Variants in UBAC1 observed in about 807,000 individuals in gnomAD.
The protein encoded by UBAC1 is ubiquitin-associated domain-containing protein 1.
A neutral mutation model predicts 45.9 loss-of-function variants in UBAC1; 27 were observed. The ratio of observed to expected loss-of-function variants is 0.59; its 90% CI spans 0.43 to 0.81. The LOEUF (loss-of-function observed/expected upper bound fraction) is 0.81. Among genes scored for constraint, UBAC1 ranks in the 30% least tolerant of loss-of-function variants. The probability of loss-of-function intolerance (pLI) is 0.00; values close to 1 mark genes in which losing one functional copy is unlikely to be tolerated. For missense variants in UBAC1, 529 were observed against 539.2 expected, an observed-to-expected ratio of 0.98 and a Z score of 0.19; for synonymous variants, 227 against 215.5, an observed-to-expected ratio of 1.05 and a Z score of -0.47.
chr9:135,947,138 C>T (rs1839347259), intron 4 of UBAC1, among the ~76,000 whole-genome samples: 1 of 152,188 alleles, frequency 6.6e-6, no homozygotes, highest in African/African-American at 2.4e-5. Flanking sequence ...CCTCCCACCC[C>T]GGCACAGCAC....
intron 2 of UBAC1, 113 bp downstream of exon 2, chr9:135,955,182 T>G: frequency 2.6e-6 from 3 of 1,138,062 alleles, no homozygotes; most frequent in South Asian, 5.9e-5. Flanking sequence ...GTTTTTGTGC[T>G]CGTGTCCAGC....
chr9:135,937,440 CAAAAA>C (rs57527185), intron 9 of UBAC1, among the ~76,000 whole-genome samples: 1 of 99,876 alleles, frequency 1.0e-5, no homozygotes, highest in Non-Finnish European at 1.9e-5. Context: ...GACTCTGTCT[CAAAAA>C]AAAAAAAAAA....
chr9:135,934,428 A>G (rs769786565), intron 9 of UBAC1, among the ~76,000 whole-genome samples: 1 of 152,228 alleles, frequency 6.6e-6, no homozygotes, highest in Non-Finnish European at 1.5e-5. Context: ...TGGGAGGCCG[A>G]AGCAGGCGGA....
chr9:135,938,472 C>G (rs1839225782), intron 8 of UBAC1, 112 bp from the exon 9 acceptor site: 2 of 1,381,792 alleles, frequency 1.4e-6, no homozygotes, highest in African/African-American at 2.9e-5. Flanking sequence ...CCTGTTGAGC[C>G]CCCAGGGCTG....
intron 9 of UBAC1, among the ~76,000 whole-genome samples, chr9:135,936,041 AAG>A (rs1185179900): frequency 6.6e-6 from 1 of 151,928 alleles, no homozygotes; most frequent in East Asian, 1.9e-4. Flanking sequence ...AAAAAAAAAA[AAG>A]AGGAATACAA....
intron 3 of UBAC1, among the ~76,000 whole-genome samples, chr9:135,949,816 C>T (rs1055372469): frequency 3.9e-5 from 6 of 152,266 alleles, no homozygotes; most frequent in African/African-American, 1.4e-4. Flanking sequence ...CAGGTTACAT[C>T]ACGCGGCACA....
intron 1 of UBAC1, among the ~76,000 whole-genome samples, chr9:135,960,101 C>T (rs564468605): frequency 7.9e-5 from 12 of 152,360 alleles, no homozygotes; most frequent in African/African-American, 2.9e-4. Flanking sequence ...CCTGTCAACA[C>T]AGATACGTCG....
chr9:135,939,449 C>T (rs1247673700), intron 8 of UBAC1, among the ~76,000 whole-genome samples: 2 of 151,828 alleles, frequency 1.3e-5, no homozygotes, highest in Non-Finnish European at 2.9e-5. Context: ...CTGACACACT[C>T]ACTCACCACA....
At chr9:135,954,730 C>G (rs1839445916) in intron 2 of UBAC1, among the ~76,000 whole-genome samples, 1 of 152,246 alleles carries the variant, frequency 6.6e-6, no homozygotes, top group South Asian at 2.1e-4. Context: ...TGAGATGCAG[C>G]TCATCCTCGG....
chr9:135,941,229 AAC>A (rs562916118), intron 7 of UBAC1, among the ~76,000 whole-genome samples: 57 of 152,136 alleles, frequency 3.7e-4, no homozygotes, highest in Non-Finnish European at 7.1e-4. Flanking sequence ...AACATGGGAA[AAC>A]CCCATCTCTA....
chr9:135,937,218 T>C (rs1453530416), intron 9 of UBAC1, among the ~76,000 whole-genome samples: 1 of 151,684 alleles, frequency 6.6e-6, no homozygotes, highest in Non-Finnish European at 1.5e-5. Context: ...CTGAGGCAGG[T>C]GGATCACGAG....
chr9:135,934,192 A>G (rs1413597177), intron 9 of UBAC1, among the ~76,000 whole-genome samples: 1 of 152,174 alleles, frequency 6.6e-6, no homozygotes, highest in African/African-American at 2.4e-5. Flanking sequence ...CCAGGTCTAC[A>G]GGCTCCAGGG....
chr9:135,951,330 A>C (rs1030188416), intron 3 of UBAC1, among the ~76,000 whole-genome samples: 3 of 152,012 alleles, frequency 2.0e-5, no homozygotes, highest in Admixed American at 2.0e-4. Context: ...ATTAATTCAT[A>C]AATACAAAAA....
In UBAC1 at chr9:135,945,987, G is replaced by T. The variant is rs140571151; in HGVS notation, c.555C>A (p.Asp185Glu). The T allele has an allele frequency of 2.4e-5, 39 of 1,613,482 alleles. No individual in the cohort carries two copies. The highest frequency in any genetic ancestry group is 2.7e-5 in the Non-Finnish European group (32 of 1,179,978). ...CGTCCACACGCTCATCCTCGTCCTC[G>T]TCCAGCATTGCTGCAGGGAGACGAC... Reference protein sequence around the residue: ...ELFKKANAMLDEDEDERVDEA... With the variant: ...ELFKKANAMLEEDEDERVDEA... The change falls in exon 6 of 10, where the codon GAC (aspartate) becomes GAA (glutamate). Residue 185 changes from aspartate (D) to glutamate (E), a missense_variant. Transcript: ENST00000371756.
At chr9:135,960,961 C>A (rs1320296029) in intron 1 of UBAC1, 64 bp downstream of exon 1, 4 of 1,381,790 alleles carry the variant, frequency 2.9e-6, no homozygotes, top group African/African-American at 3.0e-5. Context: ...GGGACTGAGG[C>A]GGGGTCCGCA....
chr9:135,957,805 C>CA (rs1041958754), intron 1 of UBAC1, among the ~76,000 whole-genome samples: 2 of 144,754 alleles, frequency 1.4e-5, no homozygotes, highest in African/African-American at 5.2e-5. Context: ...GACAGGGTCT[C>CA]ATTCTGTCAC....
At chr9:135,939,794 C>T (rs145115840) in intron 7 of UBAC1, 35 bp from the exon 8 acceptor site, 18,433 of 1,586,954 alleles carry the variant, frequency 0.012, 249 homozygotes, top group Admixed American at 0.063. Context: ...TCGCTGGGGG[C>T]GGCAGGAGGC....
Position 135,961,278 on chromosome 9 carries a change from C to T in UBAC1, c.-116G>A. 1 of 944,342 alleles carries T rather than the reference C, an allele frequency of 1.1e-6. No individual in the cohort carries two copies. Among genetic ancestry groups the T allele is most frequent in the Non-Finnish European group, 1.3e-6 (1 of 762,286 alleles). The allele number at this position is 944,342 out of a possible 1,614,324, so 58.5% of individuals were successfully genotyped here. ...CGCGCGCTCCTTCGCTGGGCCGCCG[C>T]CCCGCCCCGGCTCCCGTCGGCCGGG... On this transcript the variant is annotated 5_prime_UTR_variant, in exon 1 of 10. Transcript: ENST00000371756.
At chr9:135,947,443 G>C (rs987712354) in intron 4 of UBAC1, 3 of 193,032 alleles carry the variant, frequency 1.6e-5, no homozygotes, top group Non-Finnish European at 3.2e-5. Flanking sequence ...AGTAGAGACG[G>C]AGTTTCATCA....
Sources: allele counts gnomAD v4.1 joint callset (sites outside exome capture counted in the v4.1 genomes callset), GRCh38; gene constraint gnomAD v4.1.1; transcripts MANE v1.5; gene names NCBI Gene and HGNC (gene_info 2026-07-23, HGNC 2026-07-21).